Variants in ARMC2 observed in about 807,000 individuals in gnomAD.
The protein encoded by ARMC2 is armadillo repeat containing 2, also known as armadillo repeat-containing protein 2.
ARMC2 carries 67 observed loss-of-function variants against 90.3 expected under a neutral mutation model. The observed-to-expected ratio is 0.74, with a 90% CI of 0.61 to 0.91. The LOEUF is 0.91. Ranked by LOEUF, ARMC2 falls within the 40% of genes least tolerant of loss-of-function variation. The pLI, the probability that ARMC2 is intolerant of heterozygous loss-of-function variation, is 0.00. For missense variants in ARMC2, 920 were observed against 1,030.9 expected (o/e 0.89, Z 1.47); for synonymous variants, 393 against 393.0 (o/e 1.00, Z 0.00).
chr6:108,975,159 C>G (rs2145765), downstream of ARMC2, among the ~76,000 whole-genome samples: 15,291 of 152,042 alleles, frequency 0.1, 915 homozygotes, highest in Middle Eastern at 0.19. Context: ...TCCCCTAGCC[C>G]CCAACCCCCT....
chr6:108,873,654 G>A (rs1776655977), intron 4 of ARMC2, among the ~76,000 whole-genome samples: 1 of 152,162 alleles, frequency 6.6e-6, no homozygotes, highest in Admixed American at 6.5e-5. Context: ...CTAAAACTGG[G>A]GCCCTGCCTG....
intron 5 of ARMC2, among the ~76,000 whole-genome samples, chr6:108,894,258 C>T (rs1326261808): frequency 2.0e-5 from 3 of 152,100 alleles, no homozygotes; most frequent in African/African-American, 4.8e-5. Flanking sequence ...TCTGGCTACT[C>T]GGGAGCCTGG....
chr6:109,007,038 G>A, the ARMC2 span, among the ~76,000 whole-genome samples: 1 of 152,184 alleles, frequency 6.6e-6, no homozygotes, highest in African/African-American at 2.4e-5. Context: ...TCTCTGTGAA[G>A]GTGTGGCTGG....
intron 16 of ARMC2, among the ~76,000 whole-genome samples, chr6:108,964,663 A>G: frequency 6.6e-6 from 1 of 152,056 alleles, no homozygotes; most frequent in Non-Finnish European, 1.5e-5. Flanking sequence ...AATCCCAGCT[A>G]TTCAGGAGGC....
intron 5 of ARMC2, among the ~76,000 whole-genome samples, chr6:108,892,923 C>CAG (rs1771234989): frequency 6.6e-6 from 1 of 152,206 alleles, no homozygotes; most frequent in African/African-American, 2.4e-5. Context: ...CGGGCACATA[C>CAG]AGATGTTCAC....
Position 108,881,801 on chromosome 6 carries a change from A to G in ARMC2, c.671+5451A>G, listed in dbSNP as rs150011212. 2.0e-5 allele frequency among the ~76,000 whole-genome samples: 3 copies of G among 152,326 alleles called. No homozygotes were observed. The East Asian group carries it at 5.8e-4, about 29-fold the overall frequency. On this transcript the variant is annotated intron_variant, in intron 5 of 17. Transcript: ENST00000392644. ...TGTGCATCACAGCGACCTGCTCCAC[A>G]CAAACCAAGGGAACATATACTCCCA...
At chr6:108,998,939 AC>A in the ARMC2 span, 4 of 542,304 alleles carry the variant, frequency 7.4e-6, no homozygotes, top group South Asian at 1.1e-4. Context: ...CACAAATAGA[AC>A]TTAACATAAT....
Position 108,966,899 on chromosome 6 carries a change from C to A in ARMC2, c.2446+1759C>A, listed in dbSNP as rs148590998. On this transcript the variant is annotated intron_variant, in intron 17 of 17. Coordinates refer to ENST00000392644, the MANE Select transcript of ARMC2 (RefSeq NM_032131.6). ...GAGTCTATTAGCTAAGATTGAGAGCCCCTGCTCTCGTTAGCAAAGGAGCTT... is the reference window on the plus strand; with the variant it reads ...GAGTCTATTAGCTAAGATTGAGAGCACCTGCTCTCGTTAGCAAAGGAGCTT... Among the ~76,000 whole-genome samples the A allele has an allele frequency of 4.1e-3, 617 of 152,226 alleles. 1 individual carries two copies. Among genetic ancestry groups the A allele is most frequent in the Non-Finnish European group, 6.9e-3 (467 of 68,012 alleles).
chr6:109,050,280 CT>C, the ARMC2 span, among the ~76,000 whole-genome samples: 108 of 151,982 alleles, frequency 7.1e-4, no homozygotes, highest in Non-Finnish European at 1.3e-3. Flanking sequence ...AAGGTGGCAT[CT>C]GTCTGCAACA....
the ARMC2 span, among the ~76,000 whole-genome samples, chr6:109,011,652 CAG>C: frequency 7.0e-6 from 1 of 143,370 alleles, no homozygotes; most frequent in Non-Finnish European, 1.5e-5. Context: ...TTTTTTGAGA[CAG>C]AGTCTCGCTC....
intron 3 of ARMC2, among the ~76,000 whole-genome samples, chr6:108,864,057 A>G (rs1775555619): frequency 6.6e-6 from 1 of 152,180 alleles, no homozygotes; most frequent in Non-Finnish European, 1.5e-5. Flanking sequence ...CCAGGGTAAG[A>G]CAAGTAGAGT....
At chr6:108,878,643 A>T (rs963833951) in intron 5 of ARMC2, among the ~76,000 whole-genome samples, 2 of 152,244 alleles carry the variant, frequency 1.3e-5, no homozygotes, top group Admixed American at 1.3e-4. Flanking sequence ...ACAAAGTATC[A>T]TTGTAAACAA....
chr6:109,033,622 ATTATT>A, the ARMC2 span, among the ~76,000 whole-genome samples: 2 of 152,174 alleles, frequency 1.3e-5, no homozygotes, highest in Non-Finnish European at 2.9e-5. Context: ...ACCCCAGCAC[ATTATT>A]TTATCTCCTC....
At chr6:108,977,229 A>C (rs1374578102), downstream of ARMC2, among the ~76,000 whole-genome samples, 1 of 152,180 alleles carries the variant, frequency 6.6e-6, no homozygotes, top group Non-Finnish European at 1.5e-5. Flanking sequence ...AATTTTGTCA[A>C]AGGCCTTTTC....
the ARMC2 span, among the ~76,000 whole-genome samples, chr6:109,037,895 G>A: frequency 2.6e-5 from 4 of 151,386 alleles, no homozygotes; most frequent in Admixed American, 6.6e-5. Flanking sequence ...GATGTTCAAC[G>A]ATGCCTATAA....
the ARMC2 span, chr6:108,998,778 A>C: frequency 3.1e-6 from 5 of 1,590,380 alleles, no homozygotes; most frequent in Non-Finnish European, 4.3e-6. Context: ...AAAAAAAAGA[A>C]TATATTTTTG....
chr6:108,879,557 C>T (rs1777307722), intron 5 of ARMC2, among the ~76,000 whole-genome samples: 1 of 139,260 alleles, frequency 7.2e-6, no homozygotes, highest in South Asian at 2.7e-4. Flanking sequence ...CACCCACCCA[C>T]GCAGTCATCC....
intron 17 of ARMC2, among the ~76,000 whole-genome samples, chr6:108,972,535 T>A (rs890082250): frequency 6.6e-5 from 10 of 152,360 alleles, no homozygotes; most frequent in Non-Finnish European, 1.5e-4. Context: ...TAATTAATTT[T>A]TCTATGTACA....
chr6:108,963,015 T>A (rs573846522), intron 15 of ARMC2, among the ~76,000 whole-genome samples: 13 of 152,006 alleles, frequency 8.6e-5, no homozygotes, highest in South Asian at 8.3e-4. Flanking sequence ...ATAAAAAAAA[T>A]TTAAAAATTA....
Sources: gnomAD v4.1 joint callset for allele counts (sites outside exome capture counted in the v4.1 genomes callset) on GRCh38, gnomAD v4.1.1 for gene constraint, MANE v1.5 for transcripts, NCBI Gene and HGNC (gene_info 2026-07-23, HGNC 2026-07-21) for gene names.